The following FSTL5 variants were observed in gnomAD, a reference collection of about 807,000 sequenced individuals.
The protein encoded by FSTL5 is follistatin-related protein 5.
A neutral mutation model predicts 89.1 loss-of-function variants in FSTL5; 62 were observed. The observed-to-expected ratio is 0.70, with a 90% confidence interval of 0.57 to 0.86. The LOEUF (loss-of-function observed/expected upper bound fraction) is 0.86, where lower values mean the gene tolerates loss of function less well. Among genes scored for constraint, FSTL5 ranks in the 40% least tolerant of loss-of-function variants. The probability of loss-of-function intolerance (pLI) is 0.00; values close to 1 mark genes in which losing one functional copy is unlikely to be tolerated. For missense variants in FSTL5, 1,057 were observed against 1,001.6 expected, an observed-to-expected ratio of 1.06 and a Z score of -0.75; for synonymous variants, 383 against 346.2, an observed-to-expected ratio of 1.11 and a Z score of -1.18.
At chr4:162,021,711 CACTT>C (rs1737091246) in intron 3 of FSTL5, among the ~76,000 whole-genome samples, 1 of 152,086 alleles carries the variant, frequency 6.6e-6, no homozygotes, top group African/African-American at 2.4e-5. Context: ...AGCATGTTCT[CACTT>C]AAAGTGGGAG....
intron 10 of FSTL5, among the ~76,000 whole-genome samples, chr4:161,517,103 G>A (rs1264049865): frequency 6.6e-6 from 1 of 152,028 alleles, no homozygotes; most frequent in East Asian, 1.9e-4. Context: ...TGGCCAGACT[G>A]GTCTCGAACT....
At chr4:161,401,804 G>A (rs564589286) in intron 15 of FSTL5, among the ~76,000 whole-genome samples, 1 of 152,204 alleles carries the variant, frequency 6.6e-6, no homozygotes, top group East Asian at 1.9e-4. Flanking sequence ...TGGGATTACA[G>A]GCATGAGCCA....
Position 161,997,771 on chromosome 4 carries a change from A to G in FSTL5, c.160+35854T>C, listed in dbSNP as rs982115578. 2.2e-5 allele frequency among the ~76,000 whole-genome samples: 3 copies of G among 134,612 alleles called. No homozygotes were observed. In the East Asian group the frequency reaches 6.4e-4, roughly 29 times the overall value. The allele number at this position is 134,612 out of a possible 152,430, so 88.3% of individuals were successfully genotyped here. A position where few individuals can be genotyped will look rare whatever the true frequency, so the allele number is the denominator to read the frequency against. ...AGGCGCCCGCCACCACGCCCGGCTA[A>G]TTTTTCGTATTTTTAGTAGAGACGG... On this transcript the variant is annotated intron_variant, in intron 3 of 15. Transcript: ENST00000306100.
At chr4:162,106,857 T>G (rs1234567681) in intron 2 of FSTL5, among the ~76,000 whole-genome samples, 1 of 152,212 alleles carries the variant, frequency 6.6e-6, no homozygotes, top group Non-Finnish European at 1.5e-5. Flanking sequence ...TTAGGACATT[T>G]TACTCATCAT....
chr4:161,648,013 C>T (rs994390081), intron 7 of FSTL5, among the ~76,000 whole-genome samples: 6 of 152,072 alleles, frequency 3.9e-5, no homozygotes, highest in Non-Finnish European at 8.8e-5. Flanking sequence ...GAGCCCGGGC[C>T]GCCAAATGAC....
intron 7 of FSTL5, among the ~76,000 whole-genome samples, chr4:161,620,173 A>T (rs1407068658): frequency 5.1e-5 from 6 of 118,038 alleles, no homozygotes; most frequent in African/African-American, 2.0e-4. Flanking sequence ...GGAACATCAC[A>T]CTCTGGGGAC....
At chr4:161,437,598 TC>T (rs1389743423) in intron 15 of FSTL5, among the ~76,000 whole-genome samples, 1 of 114,122 alleles carries the variant, frequency 8.8e-6, no homozygotes, top group Non-Finnish European at 1.8e-5. Context: ...TCAGAAAAGG[TC>T]TTAATCCCAT....
chr4:162,041,122 C>T (rs924932150), intron 2 of FSTL5, among the ~76,000 whole-genome samples: 3 of 146,304 alleles, frequency 2.1e-5, no homozygotes, highest in Non-Finnish European at 3.0e-5. Flanking sequence ...GAGAGGAATG[C>T]AGGCTTTCTT....
chr4:161,617,891 T>C (rs1233120943), intron 7 of FSTL5, among the ~76,000 whole-genome samples: 1 of 152,222 alleles, frequency 6.6e-6, no homozygotes, highest in Non-Finnish European at 1.5e-5. Context: ...GGGATGGCAC[T>C]GAATCTATAA....
intron 2 of FSTL5, among the ~76,000 whole-genome samples, chr4:162,082,362 T>C (rs1001176316): frequency 3.4e-4 from 51 of 151,846 alleles, no homozygotes; most frequent in African/African-American, 1.2e-3. Flanking sequence ...TGTTCACGTA[T>C]GTTATTGTTT....
chr4:161,885,606 C>T (rs746170911), intron 4 of FSTL5, among the ~76,000 whole-genome samples: 1 of 152,014 alleles, frequency 6.6e-6, no homozygotes, highest in Non-Finnish European at 1.5e-5. Flanking sequence ...CCACCATGCC[C>T]AGCTAATTTT....
chr4:161,406,531 G>T (rs1220944625), intron 15 of FSTL5, among the ~76,000 whole-genome samples: 1 of 152,044 alleles, frequency 6.6e-6, no homozygotes, highest in East Asian at 1.9e-4. Context: ...GTTAGGTCTG[G>T]TTAGTTTATG....
At chr4:161,799,853 A>AG (rs1390555892) in intron 4 of FSTL5, among the ~76,000 whole-genome samples, 1 of 151,674 alleles carries the variant, frequency 6.6e-6, no homozygotes, top group Non-Finnish European at 1.5e-5. Flanking sequence ...ATTTAACCAT[A>AG]GGGCTGTGAT....
chr4:161,472,623 G>A (rs918255970), intron 13 of FSTL5, among the ~76,000 whole-genome samples: 1 of 151,338 alleles, frequency 6.6e-6, no homozygotes, highest in Non-Finnish European at 1.5e-5. Flanking sequence ...GATTGTTTAA[G>A]GTTGTTTTAA....
intron 6 of FSTL5, among the ~76,000 whole-genome samples, chr4:161,739,423 T>C (rs1266478996): frequency 6.6e-6 from 1 of 152,090 alleles, no homozygotes; most frequent in East Asian, 1.9e-4. Context: ...CAAATTTCTG[T>C]TGTTCAAGCC....
intron 3 of FSTL5, among the ~76,000 whole-genome samples, chr4:162,026,304 C>CTTTTTTTTTTTTTGTTTTTTTTTTTTTT (rs1737284048): frequency 1.3e-5 from 1 of 79,474 alleles, no homozygotes; most frequent in Non-Finnish European, 2.2e-5. Flanking sequence ...TATGTATTTT[C>CTTTTTTTTTTTTTGTTTTTTTTTTTTTT]TTTTTTTTTT....
At chr4:162,111,109 ACTG>A (rs979429819) in intron 2 of FSTL5, among the ~76,000 whole-genome samples, 159 bp downstream of exon 2, 4 of 152,126 alleles carry the variant, frequency 2.6e-5, no homozygotes, top group African/African-American at 7.2e-5. Flanking sequence ...TTCCAAATTT[ACTG>A]CTATTTCATG....
At chr4:161,399,444 A>G (rs1485888054) in intron 15 of FSTL5, among the ~76,000 whole-genome samples, 1 of 152,168 alleles carries the variant, frequency 6.6e-6, no homozygotes, top group Non-Finnish European at 1.5e-5. Flanking sequence ...ACAGTACTGT[A>G]CTATATTTTT....
At chr4:162,112,768 GACACAATCACAC>G (rs1348085322) in intron 1 of FSTL5, among the ~76,000 whole-genome samples, 1 of 107,996 alleles carries the variant, frequency 9.3e-6, no homozygotes, top group Non-Finnish European at 1.8e-5. Context: ...AAAGCTAACC[GACACAATCACAC>G]ACACACACAC....
Sources: allele counts gnomAD v4.1 joint callset (sites outside exome capture counted in the v4.1 genomes callset), GRCh38; gene constraint gnomAD v4.1.1; transcripts MANE v1.5; gene names NCBI Gene and HGNC (gene_info 2026-07-23, HGNC 2026-07-21).